PLCL1: variants seen among roughly 807,000 people sequenced by gnomAD.
The protein encoded by PLCL1 is inactive phospholipase C-like protein 1.
Under a neutral mutation model 84.4 loss-of-function variants are expected in PLCL1, and 41 were observed. The observed-to-expected ratio is 0.49, with a 90% confidence interval of 0.38 to 0.63. PLCL1 has a LOEUF of 0.63. Ranked by LOEUF, PLCL1 falls within the 30% of genes least tolerant of loss-of-function variation. The pLI, the probability that PLCL1 is intolerant of heterozygous loss-of-function variation, is 0.00. For missense variants in PLCL1, 1,206 were observed against 1,367.8 expected (o/e 0.88, Z 1.87); for synonymous variants, 490 against 488.3 (o/e 1.00, Z -0.05).
chr2:197,943,196 C>CAA (rs869096042), intron 1 of PLCL1, among the ~76,000 whole-genome samples: 17 of 104,926 alleles, frequency 1.6e-4, no homozygotes, highest in South Asian at 1.0e-3. Context: ...GACCCTCTCT[C>CAA]AAAAAAAAAA....
At chr2:197,989,353 G>T (rs939036421) in intron 1 of PLCL1, among the ~76,000 whole-genome samples, 1 of 152,114 alleles carries the variant, frequency 6.6e-6, no homozygotes, top group Non-Finnish European at 1.5e-5. Flanking sequence ...ATGTTTTGGT[G>T]GCTTAGAGAA....
In PLCL1 at chr2:197,925,844, G is replaced by T. The variant is rs528396194; in HGVS notation, c.240+120505G>T. Among the ~76,000 whole-genome samples the T allele has an allele frequency of 8.6e-5, 13 of 151,666 alleles. No homozygotes were observed. In the East Asian group the frequency reaches 2.3e-3, roughly 27 times the overall value. ...TATTTCAATCTCTCTTTTAGCTGGA[G>T]ACCTGATTTTTCTACTCAGTTTTAA... On this transcript the variant is annotated intron_variant, in intron 1 of 5. Transcript: ENST00000428675.
chr2:197,998,722 A>C (rs775153707), intron 1 of PLCL1, among the ~76,000 whole-genome samples: 4 of 151,784 alleles, frequency 2.6e-5, no homozygotes, highest in African/African-American at 4.8e-5. Context: ...TTCTGCCTCA[A>C]CTCTCCACAG....
Position 198,024,335 on chromosome 2 carries a change from A to G in PLCL1, c.241-59423A>G, listed in dbSNP as rs1305084004. Among the ~76,000 whole-genome samples, 4 of 152,180 alleles carry G rather than the reference A, an allele frequency of 2.6e-5. No homozygotes were observed. In the East Asian group the frequency reaches 5.8e-4, roughly 22 times the overall value. On this transcript the variant is annotated intron_variant, in intron 1 of 5. Transcript: ENST00000428675. ...TGGGTGCAGCTAGCCACCATGGCAC[A>G]TATATACCTATGTAACAAACCTGCA...
At chr2:197,961,094 T>G (rs1029190301) in intron 1 of PLCL1, among the ~76,000 whole-genome samples, 1 of 152,084 alleles carries the variant, frequency 6.6e-6, no homozygotes. Context: ...GTATTAGCTT[T>G]AAATAGCTGC....
chr2:197,860,851 G>T (rs1002752453), intron 1 of PLCL1, among the ~76,000 whole-genome samples: 1 of 152,170 alleles, frequency 6.6e-6, no homozygotes, highest in Non-Finnish European at 1.5e-5. Context: ...TTCTTTTGCT[G>T]TGCAGAAGCT....
intron 1 of PLCL1, among the ~76,000 whole-genome samples, chr2:197,939,682 C>T (rs1462805404): frequency 1.3e-5 from 2 of 148,718 alleles, no homozygotes; most frequent in Non-Finnish European, 3.0e-5. Flanking sequence ...AATACAGTCA[C>T]ATGTTGAGGT....
intron 4 of PLCL1, 133 bp from the exon 5 acceptor site, chr2:198,103,694 A>G (rs2105913760): frequency 1.8e-6 from 1 of 547,268 alleles, no homozygotes; most frequent in Admixed American, 3.7e-5. Context: ...GAAAAGGATA[A>G]TTCAATTTAG....
At chr2:198,065,040 C>T (rs1692291416) in intron 1 of PLCL1, among the ~76,000 whole-genome samples, 2 of 152,142 alleles carry the variant, frequency 1.3e-5, no homozygotes, top group African/African-American at 4.8e-5. Flanking sequence ...ATACACAAAC[C>T]TACATTCTGT....
Position 198,146,854 on chromosome 2 carries a change from G to GT in PLCL1, c.3181dup (p.Ser1061PhefsTer6). 6.2e-7 allele frequency: 1 copy of GT among 1,613,648 alleles called. No individual in the cohort carries two copies. The highest frequency in any genetic ancestry group is 8.5e-7 in the Non-Finnish European group (1 of 1,179,724). ...TGAAGCAGATCCAGCTGGCATGCCT[G>GT]TCCTGTGGACTGAGTAAAGCCCCCA... On this transcript the variant is annotated frameshift_variant, in exon 6 of 6. Coordinates refer to ENST00000428675, the MANE Select transcript of PLCL1 (RefSeq NM_006226.4). LOFTEE classifies it high-confidence loss of function.
chr2:197,886,450 A>G (rs1318111786), intron 1 of PLCL1, among the ~76,000 whole-genome samples: 1 of 141,204 alleles, frequency 7.1e-6, no homozygotes, highest in African/African-American at 2.7e-5. Context: ...AAAAAAAAAA[A>G]AAGTAAAATT....
At chr2:197,992,357 T>G (rs1308944514) in intron 1 of PLCL1, among the ~76,000 whole-genome samples, 1 of 152,082 alleles carries the variant, frequency 6.6e-6, no homozygotes, top group East Asian at 1.9e-4. Flanking sequence ...CTTGACCTCA[T>G]GCGCTCAGGT....
intron 1 of PLCL1, among the ~76,000 whole-genome samples, chr2:198,021,770 A>T (rs1691139627): frequency 6.6e-6 from 1 of 152,206 alleles, no homozygotes; most frequent in Non-Finnish European, 1.5e-5. Context: ...CCAACCAAAA[A>T]AAAGACCAGG....
At chr2:197,817,822 C>T (rs1198374938) in intron 1 of PLCL1, among the ~76,000 whole-genome samples, 3 of 152,000 alleles carry the variant, frequency 2.0e-5, no homozygotes, top group Non-Finnish European at 4.4e-5. Flanking sequence ...TGAGTAAATG[C>T]CTTGACAAAT....
intron 1 of PLCL1, among the ~76,000 whole-genome samples, chr2:197,840,716 G>A (rs1686980329): frequency 1.3e-5 from 2 of 152,178 alleles, no homozygotes; most frequent in Non-Finnish European, 2.9e-5. Context: ...TGATCTGGGT[G>A]CAACTCTTAA....
At chr2:197,981,418 T>G (rs1433062803) in intron 1 of PLCL1, among the ~76,000 whole-genome samples, 2 of 152,228 alleles carry the variant, frequency 1.3e-5, no homozygotes, top group African/African-American at 4.8e-5. Context: ...TCAATCAGAC[T>G]AAATTCTTAA....
intron 1 of PLCL1, among the ~76,000 whole-genome samples, chr2:197,897,023 T>G (rs185531106): frequency 6.6e-6 from 1 of 152,370 alleles, no homozygotes; most frequent in East Asian, 1.9e-4. Flanking sequence ...ATACTGCTTT[T>G]AGTATTTTGT....
intron 1 of PLCL1, among the ~76,000 whole-genome samples, chr2:198,064,618 T>C (rs1049897604): frequency 1.3e-5 from 2 of 152,214 alleles, no homozygotes; most frequent in African/African-American, 2.4e-5. Flanking sequence ...AAGCTATTGA[T>C]TCCCACTAAC....
chr2:197,941,772 A>C (rs983901500), intron 1 of PLCL1, among the ~76,000 whole-genome samples: 1 of 151,660 alleles, frequency 6.6e-6, no homozygotes, highest in African/African-American at 2.4e-5. Context: ...TCTCTCTCCC[A>C]TTGTTGGAGC....
Sources: gnomAD v4.1 joint callset for allele counts (sites outside exome capture counted in the v4.1 genomes callset) on GRCh38, gnomAD v4.1.1 for gene constraint, MANE v1.5 for transcripts, NCBI Gene and HGNC (gene_info 2026-07-23, HGNC 2026-07-21) for gene names.